Variants in DPF2 observed in about 807,000 individuals in gnomAD.
DPF2 encodes the protein zinc finger protein ubi-d4.
In DPF2, 10 loss-of-function variants were observed where a neutral mutation model predicts 59.6. That is an observed-to-expected ratio of 0.17 (90% CI 0.10 to 0.28). DPF2 has a LOEUF of 0.28. Among genes scored for constraint, DPF2 ranks in the 10% least tolerant of loss-of-function variants. DPF2 has a pLI of 1.00. For synonymous variants in DPF2, 189 were observed against 190.6 expected (o/e 0.99, Z 0.07); for missense variants, 315 against 509.4 (o/e 0.62, Z 3.67).
chr11:65,341,100 G>A, intron 3 of DPF2, 27 bp downstream of exon 3: 1 of 1,602,564 alleles, frequency 6.2e-7, no homozygotes. Flanking sequence ...CTGAGCAGAG[G>A]CGTGGCCTGC....
chr11:65,337,788 T>G (rs1350854061), intron 1 of DPF2, among the ~76,000 whole-genome samples: 2 of 149,900 alleles, frequency 1.3e-5, no homozygotes, highest in Non-Finnish European at 3.0e-5. Flanking sequence ...TTTTTTTGTT[T>G]GTTTGTTTTG....
At chr11:65,343,491 T>C in intron 4 of DPF2, 1 of 500,230 alleles carries the variant, frequency 2.0e-6, no homozygotes, top group Non-Finnish European at 3.6e-6. Context: ...GCTATTTGAT[T>C]TGGCCATGTG....
chr11:65,342,151 C>T (rs182012583), intron 4 of DPF2: 2 of 151,664 alleles, frequency 1.3e-5, no homozygotes, highest in South Asian at 2.1e-4. Flanking sequence ...AATGAAATAC[C>T]ACATACTCTT....
At chr11:65,344,803 A>T (rs554003005) in intron 6 of DPF2, 1 of 670,356 alleles carries the variant, frequency 1.5e-6, no homozygotes, top group African/African-American at 1.8e-5. Flanking sequence ...TGCCTTTACC[A>T]CTGCTTGTTT....
Position 65,344,013 on chromosome 11 carries a change from G to A in DPF2, c.581G>A (p.Arg194His), listed in dbSNP as rs780379193. The stretch of plus-strand genomic sequence containing the variant: ...CAGGGTAAGGGTGTGGGCAGTGCCC[G>A]TAAGAAGCTGGATGCTTCCATCCTG... Reference protein sequence around the residue: ...KSKGKGVGSARKKLDASILED... With the variant: ...KSKGKGVGSAHKKLDASILED... The change falls in exon 6 of 11, where the codon CGT becomes CAT. Residue 194 changes from arginine (R) to histidine (H), a missense_variant. Arg to His is a conservative substitution (Grantham distance 29). Coordinates refer to ENST00000528416, the MANE Select transcript of DPF2 (RefSeq NM_006268.5). The A allele has an allele frequency of 1.2e-6, 2 of 1,614,198 alleles. No homozygotes were observed. The highest frequency in any genetic ancestry group is 1.7e-6 in the Non-Finnish European group (2 of 1,180,024).
At chr11:65,334,176 G>A (rs1052811156) in intron 1 of DPF2, among the ~76,000 whole-genome samples, 1 of 152,210 alleles carries the variant, frequency 6.6e-6, no homozygotes, top group East Asian at 1.9e-4. Flanking sequence ...AGCGTTCCTC[G>A]GGGCTGACGG....
intron 1 of DPF2, among the ~76,000 whole-genome samples, chr11:65,340,141 C>G (rs1337530932): frequency 6.6e-6 from 1 of 152,130 alleles, no homozygotes; most frequent in Non-Finnish European, 1.5e-5. Flanking sequence ...AAACTTAAGT[C>G]TGATTAGACA....
intron 9 of DPF2, chr11:65,348,368 C>T (rs970859729): frequency 1.3e-5 from 2 of 154,158 alleles, no homozygotes; most frequent in African/African-American, 4.8e-5. Context: ...TTGCTTGAGC[C>T]TGGGATTTCA....
chr11:65,342,688 T>C (rs1325537261), intron 4 of DPF2, among the ~76,000 whole-genome samples: 1 of 152,140 alleles, frequency 6.6e-6, no homozygotes, highest in Non-Finnish European at 1.5e-5. Flanking sequence ...TGTTCCCCAT[T>C]TCACACAGAG....
Position 65,341,574 on chromosome 11 carries a change from TC to T in DPF2, c.465+15del. 1 of 1,613,310 alleles carries T rather than the reference TC, an allele frequency of 6.2e-7. No homozygotes were observed. The highest frequency in any genetic ancestry group is 8.5e-7 in the Non-Finnish European group (1 of 1,179,340). On this transcript the variant is annotated intron_variant, in intron 4 of 10. Coordinates refer to ENST00000528416, the MANE Select transcript of DPF2 (RefSeq NM_006268.5). ...GTCGAGCGCGAAAGGTACAGGATTA[TC>T]CCTGTGGCTAAGGGAGCTTTGATGG...
Position 65,346,137 on chromosome 11 carries a change from A to G in DPF2, c.904+79A>G, listed in dbSNP as rs1311054242. The G allele has an allele frequency of 9.4e-6, 15 of 1,600,854 alleles. No homozygotes were observed. In the Admixed American group the frequency reaches 1.9e-4, roughly 20 times the overall value. On this transcript the variant is annotated intron_variant, in intron 8 of 10. Coordinates refer to ENST00000528416, the MANE Select transcript of DPF2 (RefSeq NM_006268.5). ...CTTGCTGGCCTCTAGGGCTGTCATA[A>G]CCAGCCCACCTCGCTTTTCCTAACC...
chr11:65,348,631 A>T, intron 9 of DPF2: 1 of 438,352 alleles, frequency 2.3e-6, no homozygotes, highest in Non-Finnish European at 4.0e-6. Context: ...AAAAAAAAAA[A>T]GTGGAGGTGA....
chr11:65,343,630 G>A, intron 4 of DPF2, 115 bp from the exon 5 acceptor site: 1 of 870,950 alleles, frequency 1.1e-6, no homozygotes, highest in South Asian at 1.5e-5. Context: ...GAATGAGGCT[G>A]GTGTGGGTGG....
At chr11:65,337,472 AAAAT>A (rs1337589136) in intron 1 of DPF2, among the ~76,000 whole-genome samples, 18 of 50,702 alleles carry the variant, frequency 3.6e-4, no homozygotes, top group East Asian at 1.2e-3. Context: ...AAAAAAAAAA[AAAAT>A]ATATATATAT....
intron 2 of DPF2, 24 bp downstream of exon 2, chr11:65,340,569 G>T: frequency 6.2e-7 from 1 of 1,612,572 alleles, no homozygotes; most frequent in Non-Finnish European, 8.5e-7. Context: ...CTTGGGAGAA[G>T]GGGACTCAGG....
At chr11:65,345,640 T>C in intron 6 of DPF2, 26 bp from the exon 7 acceptor site, 1 of 1,613,508 alleles carries the variant, frequency 6.2e-7, no homozygotes, top group East Asian at 2.2e-5. Flanking sequence ...CCTAACACCT[T>C]TCTCTGCAAT....
chr11:65,342,043 T>A lies in DPF2; in HGVS notation c.465+481T>A, dbSNP rs148383892. 5.5e-4 allele frequency: 85 copies of A among 154,370 alleles called. 1 individual carries two copies. In the East Asian group the frequency reaches 0.015, roughly 28 times the overall value. The allele number at this position is 154,370 out of a possible 1,614,324, so 9.6% of individuals were successfully genotyped here. ...CTGAGGTGGGAGAATCACTTGAGCC[T>A]ATGAGTTCGAGACTGCAATGAGTCA... On this transcript the variant is annotated intron_variant, in intron 4 of 10. Coordinates refer to ENST00000528416, the MANE Select transcript of DPF2 (RefSeq NM_006268.5).
chr11:65,346,568 C>T (rs1854537324), intron 9 of DPF2: 2 of 503,450 alleles, frequency 4.0e-6, no homozygotes, highest in Non-Finnish European at 7.0e-6. Context: ...GTTCTAGTCA[C>T]TAAAGATGCT....
chr11:65,349,038 G>A, intron 10 of DPF2, 107 bp downstream of exon 10: 1 of 1,304,900 alleles, frequency 7.7e-7, no homozygotes, highest in Non-Finnish European at 1.1e-6. Flanking sequence ...TCCAAATTAG[G>A]GAGTAAAGCA....
Sources: allele counts gnomAD v4.1 joint callset (sites outside exome capture counted in the v4.1 genomes callset), GRCh38; gene constraint gnomAD v4.1.1; transcripts MANE v1.5; gene names NCBI Gene and HGNC (gene_info 2026-07-23, HGNC 2026-07-21).